The following KCNIP4 variants were observed in gnomAD, a reference collection of about 807,000 sequenced individuals.
KCNIP4 encodes potassium voltage-gated channel interacting protein 4, also known as Kv channel-interacting protein 4.
Under a neutral mutation model 34.0 loss-of-function variants are expected in KCNIP4, and 12 were observed. The observed-to-expected ratio is 0.35, with a 90% CI of 0.23 to 0.57. The LOEUF is 0.57. Ranked by LOEUF, KCNIP4 falls within the 20% of genes least tolerant of loss-of-function variation. The pLI is 0.83. For synonymous variants in KCNIP4, 124 were observed against 102.2 expected, an observed-to-expected ratio of 1.21 and a Z score of -1.29; for missense variants, 238 against 311.7, an observed-to-expected ratio of 0.76 and a Z score of 1.78.
intron 1 of KCNIP4, among the ~76,000 whole-genome samples, chr4:21,519,645 T>C (rs1018395997): frequency 7.0e-6 from 1 of 143,714 alleles, no homozygotes; most frequent in Non-Finnish European, 1.5e-5. Context: ...CAAATGTGTG[T>C]GTATGTATGT....
chr4:21,364,554 A>C (rs1220569143), intron 1 of KCNIP4, among the ~76,000 whole-genome samples: 1 of 152,142 alleles, frequency 6.6e-6, no homozygotes, highest in African/African-American at 2.4e-5. Flanking sequence ...GAAGGACCTC[A>C]GTTAGGATAG....
At chr4:21,235,067 C>A (rs1441051107) in intron 1 of KCNIP4, among the ~76,000 whole-genome samples, 6 of 152,014 alleles carry the variant, frequency 3.9e-5, no homozygotes, top group Non-Finnish European at 8.8e-5. Context: ...ACTACTATAA[C>A]ATAAAAGTAG....
At chr4:21,605,973 A>G (rs1743618567) in intron 1 of KCNIP4, among the ~76,000 whole-genome samples, 1 of 152,114 alleles carries the variant, frequency 6.6e-6, no homozygotes, top group Non-Finnish European at 1.5e-5. Context: ...GGTGGCCAAT[A>G]GGTTTCCTTC....
rs949548104 is a variant in KCNIP4 at position 21,048,944 on chromosome 4, CTTTTTTT to C, written c.62-166242_62-166236del. On this transcript the variant is annotated intron_variant, in intron 1 of 8. Transcript: ENST00000382152. ...AGCTCTTTCAGTACCTTCTGTTTAT[CTTTTTTT>C]TTTTTTTTTTTTTTTTTGAGACGGA... Among the ~76,000 whole-genome samples, 500 of 96,038 alleles carry C rather than the reference CTTTTTTT, an allele frequency of 5.2e-3. 5 individuals are homozygous for C. The highest frequency in any genetic ancestry group is 0.02 in the African/African-American group (471 of 23,764). 63.0% of individuals were successfully genotyped at this position (96,038 alleles called of 152,430 possible).
intron 1 of KCNIP4, among the ~76,000 whole-genome samples, chr4:21,820,491 G>A (rs1468973917): frequency 6.6e-6 from 1 of 151,728 alleles, no homozygotes; most frequent in African/African-American, 2.4e-5. Context: ...CTTAAGCTAT[G>A]CAAAACCACA....
chr4:21,419,707 T>C (rs1050928839), intron 1 of KCNIP4, among the ~76,000 whole-genome samples: 2 of 152,010 alleles, frequency 1.3e-5, no homozygotes, highest in Non-Finnish European at 2.9e-5. Context: ...GAGGAAAATA[T>C]TGAGTTTTTT....
intron 3 of KCNIP4, among the ~76,000 whole-genome samples, chr4:20,815,513 C>T (rs1358929382): frequency 6.6e-6 from 1 of 152,158 alleles, no homozygotes; most frequent in Non-Finnish European, 1.5e-5. Flanking sequence ...TGTTAAGAAT[C>T]CTTGATTCCA....
intron 1 of KCNIP4, among the ~76,000 whole-genome samples, chr4:21,511,978 AG>A (rs1331910889): frequency 1.3e-5 from 2 of 152,002 alleles, no homozygotes; most frequent in African/African-American, 4.8e-5. Context: ...TAAAAGAGAA[AG>A]AAAAAAAGGA....
At position 21,175,748 on chromosome 4, in the gene KCNIP4, T is replaced by C. The variant is rs116814551; in HGVS notation, c.62-293039A>G. Among the ~76,000 whole-genome samples, 887 of 151,894 alleles carry C rather than the reference T, an allele frequency of 5.8e-3. 11 individuals carry two copies. The highest frequency in any genetic ancestry group is 0.02 in the African/African-American group (823 of 41,424). On this transcript the variant is annotated intron_variant, in intron 1 of 8. Transcript: ENST00000382152. Reference sequence around the variant, plus strand: ...CAGGAAAGAGTGGGCCAGGGTAAGATTTTGACATGCTACGCAGAATGCCAT... The same window carrying C: ...CAGGAAAGAGTGGGCCAGGGTAAGACTTTGACATGCTACGCAGAATGCCAT...
intron 1 of KCNIP4, among the ~76,000 whole-genome samples, chr4:21,617,048 C>T (rs1023661423): frequency 5.9e-5 from 9 of 152,108 alleles, no homozygotes; most frequent in Non-Finnish European, 1.2e-4. Context: ...AAGTCCCTTA[C>T]TATAGTTAGT....
chr4:21,062,859 C>T (rs1012658980), intron 1 of KCNIP4, among the ~76,000 whole-genome samples: 1 of 152,106 alleles, frequency 6.6e-6, no homozygotes, highest in African/African-American at 2.4e-5. Context: ...AGGAGGCCTG[C>T]CCACATTAGG....
At chr4:20,761,151 A>G (rs115322490) in intron 3 of KCNIP4, among the ~76,000 whole-genome samples, 3,515 of 152,202 alleles carry the variant, frequency 0.023, 44 homozygotes, top group Non-Finnish European at 0.028. Context: ...CATCTGTAAT[A>G]TTGGCTTCCC....
chr4:20,877,918 T>C (rs1724236415), intron 2 of KCNIP4, among the ~76,000 whole-genome samples: 1 of 152,026 alleles, frequency 6.6e-6, no homozygotes, highest in Admixed American at 6.6e-5. Context: ...GTGAATTGGG[T>C]AAAACCTATC....
chr4:20,820,286 T>C (rs1716939435), intron 3 of KCNIP4, among the ~76,000 whole-genome samples: 1 of 152,282 alleles, frequency 6.6e-6, no homozygotes, highest in Non-Finnish European at 1.5e-5. Context: ...GAAAAAGCCA[T>C]CCTGTTTATA....
intron 1 of KCNIP4, among the ~76,000 whole-genome samples, chr4:21,095,382 C>T (rs1287731597): frequency 6.6e-6 from 1 of 152,164 alleles, no homozygotes; most frequent in Non-Finnish European, 1.5e-5. Flanking sequence ...TCTGGAGATT[C>T]ATAAAACGTT....
intron 1 of KCNIP4, among the ~76,000 whole-genome samples, chr4:21,821,932 C>T (rs1158794347): frequency 1.3e-5 from 2 of 152,088 alleles, no homozygotes; most frequent in Non-Finnish European, 2.9e-5. Flanking sequence ...CACATTTTTA[C>T]AATGCTTTTC....
chr4:21,653,831 C>T (rs1186523156), intron 1 of KCNIP4, among the ~76,000 whole-genome samples: 10 of 152,182 alleles, frequency 6.6e-5, no homozygotes, highest in Non-Finnish European at 1.5e-4. Flanking sequence ...GAATCCAAAT[C>T]CAAATCTCTC....
chr4:21,434,641 G>A (rs1175388012), intron 1 of KCNIP4, among the ~76,000 whole-genome samples: 1 of 151,990 alleles, frequency 6.6e-6, no homozygotes, highest in Non-Finnish European at 1.5e-5. Flanking sequence ...ACAGGAGCAT[G>A]AACCCTGTTG....
intron 1 of KCNIP4, among the ~76,000 whole-genome samples, chr4:21,306,522 A>G (rs1234913633): frequency 6.6e-6 from 1 of 152,130 alleles, no homozygotes; most frequent in Non-Finnish European, 1.5e-5. Flanking sequence ...GATTACATGC[A>G]TGGGCTACCG....
Sources: allele counts gnomAD v4.1 joint callset (sites outside exome capture counted in the v4.1 genomes callset), GRCh38; gene constraint gnomAD v4.1.1; transcripts MANE v1.5; gene names NCBI Gene and HGNC (gene_info 2026-07-23, HGNC 2026-07-21).